Variants in POU2AF2 observed in about 807,000 individuals in gnomAD.
POU2AF2 encodes the protein POU class 2 homeobox associating factor 2.
the POU2AF2 span, among the ~76,000 whole-genome samples, chr11:111,269,925 C>T: frequency 6.6e-6 from 1 of 152,234 alleles, no homozygotes; most frequent in East Asian, 1.9e-4. Flanking sequence ...GTTTATATCC[C>T]AGCAATTGAA....
the POU2AF2 span, among the ~76,000 whole-genome samples, chr11:111,279,708 C>G: frequency 6.6e-6 from 1 of 152,018 alleles, no homozygotes. Flanking sequence ...TCTTTAACAG[C>G]CCTATTAGCA....
chr11:111,257,758 C>T, the POU2AF2 span, among the ~76,000 whole-genome samples: 1 of 152,176 alleles, frequency 6.6e-6, no homozygotes, highest in Non-Finnish European at 1.5e-5. Flanking sequence ...ATAATTGGCT[C>T]CTTGTCTGCT....
the POU2AF2 span, among the ~76,000 whole-genome samples, chr11:111,273,113 TAA>T: frequency 3.3e-5 from 5 of 152,366 alleles, no homozygotes; most frequent in African/African-American, 1.2e-4. Flanking sequence ...ATAAGATTTA[TAA>T]GATATGTTTG....
At chr11:111,280,918 C>G in the POU2AF2 span, among the ~76,000 whole-genome samples, 3 of 152,258 alleles carry the variant, frequency 2.0e-5, no homozygotes, top group African/African-American at 7.2e-5. Flanking sequence ...ACTGTGGCCA[C>G]AATGCATGAT....
the POU2AF2 span, among the ~76,000 whole-genome samples, chr11:111,259,606 G>A: frequency 1.3e-5 from 2 of 152,112 alleles, no homozygotes; most frequent in Non-Finnish European, 2.9e-5. Context: ...GTGAGCCACC[G>A]TGCCCAGCCC....
chr11:111,259,859 C>T, the POU2AF2 span, among the ~76,000 whole-genome samples: 4 of 152,162 alleles, frequency 2.6e-5, no homozygotes, highest in African/African-American at 4.8e-5. Flanking sequence ...TAGTATCTTA[C>T]GCTCATCCTC....
chr11:111,256,187 TCTC>T, the POU2AF2 span: 2 of 397,772 alleles, frequency 5.0e-6, no homozygotes, highest in African/African-American at 4.1e-5. Context: ...GGTCTGGTAT[TCTC>T]AAAACAAAGC....
chr11:111,271,251 A>G, the POU2AF2 span, among the ~76,000 whole-genome samples: 1 of 151,866 alleles, frequency 6.6e-6, no homozygotes. Context: ...TGAACCCAGG[A>G]GCCAGAGGTT....
the POU2AF2 span, chr11:111,281,375 C>T: frequency 1.3e-6 from 2 of 1,587,168 alleles, no homozygotes; most frequent in Non-Finnish European, 1.7e-6. Context: ...AAAGAAAACA[C>T]TTGAATTCTG....
the POU2AF2 span, among the ~76,000 whole-genome samples, chr11:111,247,189 CACAG>C: frequency 1.0e-3 from 36 of 34,414 alleles, no homozygotes; most frequent in African/African-American, 2.3e-3. Context: ...CATACACACA[CACAG>C]AGAGAGAGAG....
the POU2AF2 span, among the ~76,000 whole-genome samples, chr11:111,248,861 A>G: frequency 6.6e-6 from 1 of 152,248 alleles, no homozygotes; most frequent in Non-Finnish European, 1.5e-5. Flanking sequence ...TGTATTTTAA[A>G]TGACAAATTG....
chr11:111,247,172 TCATACA>T, the POU2AF2 span, among the ~76,000 whole-genome samples: 2 of 74,614 alleles, frequency 2.7e-5, no homozygotes, highest in African/African-American at 9.6e-5. Context: ...TTTTATATAT[TCATACA>T]CATACACACA....
the POU2AF2 span, chr11:111,285,938 G>T: frequency 1.5e-5 from 25 of 1,613,988 alleles, no homozygotes; most frequent in Non-Finnish European, 2.1e-5. Context: ...GCCCAAGGTG[G>T]GGCCACTCTC....
chr11:111,277,658 C>A, the POU2AF2 span, among the ~76,000 whole-genome samples: 40 of 152,332 alleles, frequency 2.6e-4, no homozygotes, highest in African/African-American at 8.9e-4. Context: ...TGCTGTGTCT[C>A]ACAGGGGCCT....
the POU2AF2 span, among the ~76,000 whole-genome samples, chr11:111,248,060 A>AT: frequency 6.6e-6 from 1 of 150,764 alleles, no homozygotes; most frequent in Admixed American, 6.6e-5. Context: ...ATTTTTTTGT[A>AT]TTTTTTTAGT....
the POU2AF2 span, among the ~76,000 whole-genome samples, chr11:111,263,419 C>T: frequency 1.4e-5 from 2 of 145,204 alleles, no homozygotes; most frequent in East Asian, 4.3e-4. Flanking sequence ...CTCAGGTTTA[C>T]TGAAGTTCTT....
At chr11:111,257,195 G>A in the POU2AF2 span, among the ~76,000 whole-genome samples, 16 of 152,170 alleles carry the variant, frequency 1.1e-4, no homozygotes, top group Non-Finnish European at 1.5e-5. Context: ...CCAGTACCTA[G>A]TGCAGGGGCT....
At chr11:111,283,975 G>A in the POU2AF2 span, 2 of 1,042,210 alleles carry the variant, frequency 1.9e-6, no homozygotes, top group Non-Finnish European at 2.9e-6. Flanking sequence ...AGTCAGGCAC[G>A]CGTTAGTAAC....
chr11:111,276,444 A>AAG, the POU2AF2 span, among the ~76,000 whole-genome samples: 447 of 33,146 alleles, frequency 0.013, 5 homozygotes, highest in Middle Eastern at 0.041. Flanking sequence ...AAAAAGAAAA[A>AAG]AAAAAAAAAA....
Sources: allele counts gnomAD v4.1 joint callset (sites outside exome capture counted in the v4.1 genomes callset), GRCh38; gene constraint gnomAD v4.1.1; transcripts MANE v1.5; gene names NCBI Gene and HGNC (gene_info 2026-07-23, HGNC 2026-07-21).